The following WLS variants were observed in gnomAD, a reference collection of about 807,000 sequenced individuals.
WLS encodes the protein protein wntless homolog.
WLS carries 23 observed loss-of-function variants against 62.8 expected under a neutral mutation model. The observed-to-expected ratio is 0.37, with a 90% CI of 0.26 to 0.52. WLS has a LOEUF of 0.52. WLS is among the 20% of genes least tolerant of loss of function. WLS has a pLI of 0.92. For missense variants in WLS, 615 were observed against 697.3 expected (o/e 0.88, Z 1.33); for synonymous variants, 246 against 244.1 (o/e 1.01, Z -0.07).
intron 1 of WLS, among the ~76,000 whole-genome samples, chr1:68,206,207 G>A (rs532575899): frequency 4.6e-5 from 7 of 152,314 alleles, no homozygotes; most frequent in Admixed American, 2.0e-4. Context: ...CATATCACAC[G>A]TAGAATTTGT....
chr1:68,231,510 C>T (rs1304922977), intron 1 of WLS: 12 of 301,768 alleles, frequency 4.0e-5, no homozygotes, highest in Non-Finnish European at 7.3e-5. Flanking sequence ...CCGACCTCTC[C>T]AACTTCCCGC....
chr1:68,148,246 G>A (rs751043409), intron 7 of WLS, 47 bp from the exon 8 acceptor site: 2 of 1,596,764 alleles, frequency 1.3e-6, no homozygotes, highest in Non-Finnish European at 1.7e-6. Context: ...TAATACAAAG[G>A]CAACGGGAAC....
intron 1 of WLS, among the ~76,000 whole-genome samples, chr1:68,206,395 A>AG (rs1419102877): frequency 1.3e-5 from 2 of 152,222 alleles, no homozygotes; most frequent in Non-Finnish European, 2.9e-5. Context: ...ACTGGCCCAC[A>AG]GTTCACCACA....
rs528849751 is a variant in WLS, at chr1:68,125,581, C to T, written c.*645G>A. ...AACATTTTTTAAAACCCACATCCAA[C>T]AGATTGGTTAGTATTAGATACACAG... is the stretch of plus-strand genomic sequence containing the variant. On this transcript the variant is annotated 3_prime_UTR_variant, in exon 12 of 12. Coordinates refer to ENST00000262348, the MANE Select transcript of WLS (RefSeq NM_024911.7). 1.0e-6 allele frequency: 1 copy of T among 985,426 alleles called. No individual in the cohort carries two copies. Among genetic ancestry groups the T allele is most frequent in the South Asian group, 4.7e-5 (1 of 21,290 alleles). The allele number at this position is 985,426 out of a possible 1,614,324, so 61.0% of individuals were successfully genotyped here. A position where few individuals can be genotyped will look rare whatever the true frequency, so the allele number is the denominator to read the frequency against.
intron 11 of WLS, among the ~76,000 whole-genome samples, chr1:68,105,926 G>A (rs1646137259): frequency 1.3e-5 from 2 of 152,164 alleles, no homozygotes; most frequent in South Asian, 2.1e-4. Context: ...TGGGATTGGT[G>A]TAAGGGTCTG....
At chr1:68,130,252 C>T (rs188502833) in intron 11 of WLS, among the ~76,000 whole-genome samples, 40 of 152,260 alleles carry the variant, frequency 2.6e-4, no homozygotes, top group Admixed American at 1.4e-3. Context: ...TTACAGATTC[C>T]GGGAGAGATC....
intron 4 of WLS, 79 bp downstream of exon 4, chr1:68,155,020 C>T (rs1473635885): frequency 2.1e-6 from 3 of 1,431,152 alleles, no homozygotes; most frequent in South Asian, 1.4e-5. Flanking sequence ...TCAGATGAGA[C>T]AGGTGAGGCA....
At chr1:68,164,454 A>C (rs990311610) in intron 2 of WLS, among the ~76,000 whole-genome samples, 1 of 152,042 alleles carries the variant, frequency 6.6e-6, no homozygotes, top group Non-Finnish European at 1.5e-5. Flanking sequence ...GTCAGGGTTT[A>C]TCCATGGTGG....
chr1:68,224,787 T>C (rs895243718), intron 1 of WLS, among the ~76,000 whole-genome samples: 2 of 152,010 alleles, frequency 1.3e-5, no homozygotes, highest in Non-Finnish European at 2.9e-5. Flanking sequence ...TGGGGGGGAT[T>C]GAGCTTTCAT....
chr1:68,148,130 G>T lies in WLS; in HGVS notation c.1134+6C>A, dbSNP rs758331534. The T allele has an allele frequency of 1.2e-6, 2 of 1,614,166 alleles. No homozygotes were observed. Among genetic ancestry groups the T allele is most frequent in the Non-Finnish European group, 1.7e-6 (2 of 1,180,014 alleles). On this transcript the variant is annotated splice_donor_region_variant and intron_variant, in intron 8 of 11. Transcript: ENST00000262348. Reference sequence around the variant, plus strand: ...ATAAAACCCTGAGCCCATCAAGGAAGGATACGGCCAGCTCTGTTCCAATGT... The same window carrying T: ...ATAAAACCCTGAGCCCATCAAGGAATGATACGGCCAGCTCTGTTCCAATGT...
chr1:68,228,576 G>T (rs2100673975), intron 1 of WLS, among the ~76,000 whole-genome samples: 1 of 151,998 alleles, frequency 6.6e-6, no homozygotes, highest in South Asian at 2.1e-4. Context: ...TTTTAAGGAG[G>T]ATAAAGTTAT....
At chr1:68,145,786 A>G in intron 9 of WLS, 83 bp downstream of exon 9, 2 of 1,541,716 alleles carry the variant, frequency 1.3e-6, no homozygotes, top group South Asian at 2.5e-5. Context: ...AAGGCTTTCT[A>G]TCTCCAGGGT....
chr1:68,161,464 T>A (rs1015007863), intron 2 of WLS, among the ~76,000 whole-genome samples: 1 of 152,184 alleles, frequency 6.6e-6, no homozygotes, highest in Non-Finnish European at 1.5e-5. Context: ...AAGGGACTGA[T>A]AAAGGAAAAA....
chr1:68,217,829 TC>T (rs769450714), intron 1 of WLS, among the ~76,000 whole-genome samples: 1 of 152,056 alleles, frequency 6.6e-6, no homozygotes, highest in Admixed American at 6.6e-5. Context: ...GGGGTCTGGT[TC>T]CCCCACCGCC....
intron 2 of WLS, chr1:68,183,421 C>A: frequency 3.0e-6 from 1 of 329,978 alleles, no homozygotes; most frequent in South Asian, 2.6e-5. Context: ...CCTGTTCCAT[C>A]ATAGCAGGGA....
At chr1:68,099,087 T>G (rs1051588481) in intron 11 of WLS, among the ~76,000 whole-genome samples, 1 of 152,162 alleles carries the variant, frequency 6.6e-6, no homozygotes, top group Non-Finnish European at 1.5e-5. Context: ...ACTGCCCCCC[T>G]CATCCCCACT....
At chr1:68,168,406 A>G (rs986650329) in intron 2 of WLS, among the ~76,000 whole-genome samples, 1 of 152,216 alleles carries the variant, frequency 6.6e-6, no homozygotes, top group Non-Finnish European at 1.5e-5. Flanking sequence ...ACAACCTTGA[A>G]TAAGTCTCAG....
intron 1 of WLS, 149 bp downstream of exon 1, chr1:68,232,043 CCA>C: frequency 9.4e-7 from 1 of 1,063,834 alleles, no homozygotes; most frequent in Non-Finnish European, 1.3e-6. Flanking sequence ...CCACGGAGCC[CCA>C]TGGAGCTCTG....
intron 10 of WLS, among the ~76,000 whole-genome samples, chr1:68,144,134 C>A (rs540359431): frequency 6.6e-6 from 1 of 152,232 alleles, no homozygotes; most frequent in Non-Finnish European, 1.5e-5. Context: ...AGTGAAAAGA[C>A]AAGATGCTAT....
Sources: allele counts gnomAD v4.1 joint callset (sites outside exome capture counted in the v4.1 genomes callset), GRCh38; gene constraint gnomAD v4.1.1; transcripts MANE v1.5; gene names NCBI Gene and HGNC (gene_info 2026-07-23, HGNC 2026-07-21).